Variants in SETX observed in about 807,000 individuals in gnomAD.
SETX encodes helicase senataxin.
SETX carries 90 observed loss-of-function variants against 227.2 expected under a neutral mutation model. The ratio of observed to expected loss-of-function variants is 0.40; its 90% CI spans 0.33 to 0.47. The LOEUF (loss-of-function observed/expected upper bound fraction) is 0.47. Among genes scored for constraint, SETX ranks in the 20% least tolerant of loss-of-function variants. The pLI is 0.91. For synonymous variants in SETX, 1,210 were observed against 1,113.2 expected (o/e 1.09, Z -1.73); for missense variants, 3,052 against 3,181.5 (o/e 0.96, Z 0.98).
chr9:132,302,212 C>T (rs1845035907), intron 11 of SETX, among the ~76,000 whole-genome samples: 1 of 151,752 alleles, frequency 6.6e-6, no homozygotes, highest in Admixed American at 6.6e-5. Flanking sequence ...AAAAAATTAG[C>T]CGGGCATGGT....
At position 132,262,367 on chromosome 9, in the gene SETX, G is replaced by GC. The variant is rs1842444321; in HGVS notation, c.*1871_*1872insG. On this transcript the variant is annotated 3_prime_UTR_variant, in exon 26 of 26. Transcript: ENST00000224140. The stretch of plus-strand genomic sequence containing the variant: ...TTAGGAGTTTGTACATTCCCTAAGT[G>GC]GTCAGCACTACAAGTGTCTGCTAAA... 1 of 152,140 alleles carries GC rather than the reference G, an allele frequency of 6.6e-6. No homozygotes were observed. Among genetic ancestry groups the GC allele is most frequent in the Non-Finnish European group, 1.5e-5 (1 of 68,030 alleles). 9.4% of individuals were successfully genotyped at this position (152,140 alleles called of 1,614,324 possible).
rs112024450 is a variant in SETX, at chr9:132,317,338, C to A, written c.5275-5482G>T. ...TAGGTCATCTGCAAATGATCAGAAT[C>A]GTGTCTCCTCCAATTATTTCATTGC... is the stretch of plus-strand genomic sequence containing the variant. On this transcript the variant is annotated intron_variant, in intron 10 of 25. Coordinates refer to ENST00000224140, the MANE Select transcript of SETX (RefSeq NM_015046.7). Among the ~76,000 whole-genome samples, 425 of 152,094 alleles carry A rather than the reference C, an allele frequency of 2.8e-3. 4 individuals are homozygous for A. The highest frequency in any genetic ancestry group is 0.01 in the African/African-American group (416 of 41,390).
Position 132,329,620 on chromosome 9 carries a change from C to T in SETX, c.1978G>A (p.Ala660Thr), listed in dbSNP as rs1263105078. 1 of 1,613,802 alleles carries T rather than the reference C, an allele frequency of 6.2e-7. No homozygotes were observed. Among genetic ancestry groups the T allele is most frequent in the Admixed American group, 1.7e-5 (1 of 59,986 alleles). ...MKVQDSVLIKADNTIEGDNNE... is the reference protein window; with the variant it reads ...MKVQDSVLIKTDNTIEGDNNE... ...TTGTCACCTTCTATAGTGTTATCTG[C>T]TTTGATCAATACACTGTCTTGCACT... The change falls in exon 10 of 26, where the codon GCA (alanine) becomes ACA (threonine). Residue 660 changes from alanine (A) to threonine (T), a missense_variant. Ala to Thr is a moderately conservative substitution (Grantham distance 58). Around this residue, in one of 10 missense-constraint regions of SETX, gnomAD observed 1,483 missense variants for 1,312.0 expected, o/e 1.13. Coordinates refer to ENST00000224140, the MANE Select transcript of SETX (RefSeq NM_015046.7).
chr9:132,307,854 T>A (rs1216068036), intron 11 of SETX, among the ~76,000 whole-genome samples: 1 of 152,084 alleles, frequency 6.6e-6, no homozygotes, highest in Non-Finnish European at 1.5e-5. Flanking sequence ...GATTTTTGTA[T>A]TTGTAGTAGA....
intron 11 of SETX, among the ~76,000 whole-genome samples, chr9:132,304,864 G>A (rs1211724183): frequency 6.6e-6 from 1 of 152,058 alleles, no homozygotes; most frequent in Non-Finnish European, 1.5e-5. Context: ...CAGGCATGGT[G>A]GCACATGCCA....
In SETX at chr9:132,343,095, G is replaced by A. The variant is rs572238952; in HGVS notation, c.389-296C>T. Among the ~76,000 whole-genome samples, 41 of 152,108 alleles carry A rather than the reference G, an allele frequency of 2.7e-4. No homozygotes were observed. The East Asian group carries it at 7.4e-3, about 27-fold the overall frequency. ...AGCACTTTGGGAGGCCGAGGCGGGC[G>A]GATCACAAGGTCAGGAGATCGAGAA... On this transcript the variant is annotated intron_variant, in intron 4 of 25. Coordinates refer to ENST00000224140, the MANE Select transcript of SETX (RefSeq NM_015046.7).
chr9:132,288,589 G>A lies in SETX; in HGVS notation c.6169C>T (p.Leu2057=), dbSNP rs1844078098. 2 of 1,613,768 alleles carry A rather than the reference G, an allele frequency of 1.2e-6. No individual in the cohort carries two copies. The highest frequency in any genetic ancestry group is 1.7e-6 in the Non-Finnish European group (2 of 1,179,848). ...ACTTGGCTGTCCAAACTGAACTTTA[G>A]AACCTCACTATTAATAGACTTTTCT... is the stretch of plus-strand genomic sequence containing the variant. ...GPEKSINSEV[L]KFSLDSQVNH... The change falls in exon 16 of 26, where the codon CTA becomes TTA. Residue 2057 remains leucine, a synonymous_variant. Coordinates refer to ENST00000224140, the MANE Select transcript of SETX (RefSeq NM_015046.7).
intron 3 of SETX, among the ~76,000 whole-genome samples, chr9:132,348,435 CATGT>C (rs1343837666): frequency 1.3e-5 from 2 of 150,562 alleles, no homozygotes; most frequent in Non-Finnish European, 2.9e-5. Flanking sequence ...CAGATACATG[CATGT>C]ATTATAGCAC....
chr9:132,302,258 G>A lies in SETX; in HGVS notation c.5375-1455C>T, dbSNP rs1178645253. On this transcript the variant is annotated intron_variant, in intron 11 of 25. Transcript: ENST00000224140. ...TGTAGTCCCAGCTACTCGGGAGGCC[G>A]AGGCAGGAGAATGACGTGAACCCAG... 4.6e-5 allele frequency among the ~76,000 whole-genome samples: 7 copies of A among 150,922 alleles called. 1 individual carries two copies. In the East Asian group the frequency reaches 7.9e-4, roughly 17 times the overall value.
At position 132,345,263 on chromosome 9, in the gene SETX, A is replaced by C. The variant is rs754992212; in HGVS notation, c.388+998T>G. On this transcript the variant is annotated intron_variant, in intron 4 of 25. Transcript: ENST00000224140. ...AACCCTGCCACAGACATACTACAAG[A>C]ATGAAAATTATTATTATTACTATTT... 6.2e-4 allele frequency among the ~76,000 whole-genome samples: 94 copies of C among 152,176 alleles called. 1 individual carries two copies. Among genetic ancestry groups the C allele is most frequent in the Non-Finnish European group, 1.0e-3 (71 of 68,034 alleles).
At chr9:132,348,386 A>AAC (rs1395669549) in intron 3 of SETX, among the ~76,000 whole-genome samples, 4 of 150,406 alleles carry the variant, frequency 2.7e-5, no homozygotes, top group Non-Finnish European at 5.9e-5. Context: ...AACAAAAAAA[A>AAC]AACAACCCAC....
At position 132,264,399 on chromosome 9, in the gene SETX, G is replaced by A. The variant is rs553413088; in HGVS notation, c.7874C>T (p.Pro2625Leu). The A allele has an allele frequency of 5.4e-5, 87 of 1,614,054 alleles. No homozygotes were observed. In the East Asian group the frequency reaches 1.3e-3, roughly 24 times the overall value. The change falls in exon 26 of 26, where the codon CCG (proline) becomes CTG (leucine). Residue 2625 changes from proline (P) to leucine (L), a missense_variant. By Grantham distance (98) the Pro-to-Leu change is moderately conservative. Around this residue, in one of 10 missense-constraint regions of SETX, gnomAD observed 294 missense variants for 278.8 expected, o/e 1.05. Transcript: ENST00000224140. ...ASTCQSKCDD[P>L]EEELCHRREA... ...TCTCCTGTGACAGAGCTCCTCTTCC[G>A]GGTCATCACATTTGCTCTGACACGT...
intron 2 of SETX, among the ~76,000 whole-genome samples, chr9:132,352,876 T>C (rs1028490032): frequency 3.5e-4 from 53 of 152,186 alleles, no homozygotes; most frequent in African/African-American, 1.3e-3. Flanking sequence ...TTCAAACCAG[T>C]AACCTAGGAA....
At chr9:132,347,297 T>A (rs868210499) in intron 3 of SETX, among the ~76,000 whole-genome samples, 1 of 151,496 alleles carries the variant, frequency 6.6e-6, no homozygotes, top group Non-Finnish European at 1.5e-5. Context: ...AAACAAAAAA[T>A]AGTATGCTAT....
chr9:132,315,227 A>G (rs963238317), intron 10 of SETX, among the ~76,000 whole-genome samples: 2 of 152,072 alleles, frequency 1.3e-5, no homozygotes, highest in Non-Finnish European at 2.9e-5. Flanking sequence ...AAAATATTAC[A>G]TTATTAAAAC....
At chr9:132,314,795 C>T (rs10901160) in intron 10 of SETX, among the ~76,000 whole-genome samples, 8,670 of 151,524 alleles carry the variant, frequency 0.057, 392 homozygotes, top group East Asian at 0.25. Context: ...AAAAATACTT[C>T]CACATAGACT....
chr9:132,343,197 T>C (rs969760052), intron 4 of SETX, among the ~76,000 whole-genome samples: 3 of 152,124 alleles, frequency 2.0e-5, no homozygotes, highest in African/African-American at 7.2e-5. Flanking sequence ...TGGGCACCTG[T>C]AGTCCCAGCT....
At chr9:132,322,499 C>A (rs1453296501) in intron 10 of SETX, among the ~76,000 whole-genome samples, 2 of 152,204 alleles carry the variant, frequency 1.3e-5, no homozygotes, top group East Asian at 3.8e-4. Flanking sequence ...CTGTCCCTGA[C>A]TTATTTCACT....
Position 132,278,440 on chromosome 9 carries a change from T to C in SETX, c.6655-183A>G, listed in dbSNP as rs1034058115. On this transcript the variant is annotated intron_variant, in intron 20 of 25. Transcript: ENST00000224140. Reference sequence around the variant, plus strand: ...TGAGCCTCAAAATGCCATGAATCTTTTTTTTTTTTTTTTTTTTTTTTTTTT... The same window carrying C: ...TGAGCCTCAAAATGCCATGAATCTTCTTTTTTTTTTTTTTTTTTTTTTTTT... Among the ~76,000 whole-genome samples, 4 of 12,160 alleles carry C rather than the reference T, an allele frequency of 3.3e-4. No homozygotes were observed. In the Admixed American group the frequency reaches 3.7e-3, roughly 11 times the overall value. 8.0% of individuals were successfully genotyped at this position (12,160 alleles called of 152,430 possible).
Sources: allele counts gnomAD v4.1 joint callset (sites outside exome capture counted in the v4.1 genomes callset), GRCh38; gene constraint gnomAD v4.1.1; regional missense constraint gnomAD v4.1.1; transcripts MANE v1.5; gene names NCBI Gene and HGNC (gene_info 2026-07-23, HGNC 2026-07-21).